Variants in WDR19 observed in about 807,000 individuals in gnomAD.
WDR19 encodes WD repeat-containing protein 19.
WDR19 carries 121 observed loss-of-function variants against 180.0 expected under a neutral mutation model. The observed-to-expected ratio is 0.67, with a 90% CI of 0.58 to 0.78. The LOEUF (loss-of-function observed/expected upper bound fraction) is 0.78. Ranked by LOEUF, WDR19 falls within the 30% of genes least tolerant of loss-of-function variation. The pLI is 0.00. For missense variants in WDR19, 1,450 were observed against 1,640.7 expected (o/e 0.88, Z 2.01); for synonymous variants, 497 against 540.7 (o/e 0.92, Z 1.12).
Position 39,253,225 on chromosome 4 carries a change from A to G in WDR19, c.2809A>G (p.Asn937Asp). The change falls in exon 25 of 37, where the codon AAT becomes GAT. Residue 937 changes from asparagine (N) to aspartate (D), a missense_variant. Physicochemically the swap from Asn to Asp is conservative, Grantham distance 23. Transcript: ENST00000399820. ...VIRIYLDHLN[N>D]PEKAVNIVRE... is the part of the protein sequence containing the mutation. ...CCGCATCTATCTGGATCACCTCAAT[A>G]ATCCTGAAAAAGCTGTCAATATTGT... 6.2e-7 allele frequency: 1 copy of G among 1,613,646 alleles called. No homozygotes were observed. Among genetic ancestry groups the G allele is most frequent in the Non-Finnish European group, 8.5e-7 (1 of 1,179,758 alleles).
intron 24 of WDR19, among the ~76,000 whole-genome samples, chr4:39,248,228 C>T (rs2109419751): frequency 6.6e-6 from 1 of 152,254 alleles, no homozygotes; most frequent in South Asian, 2.1e-4. Flanking sequence ...ATTTTCAACC[C>T]AGAATTTCAT....
intron 15 of WDR19, among the ~76,000 whole-genome samples, chr4:39,227,127 A>G (rs1033959706): frequency 4.6e-5 from 7 of 152,190 alleles, no homozygotes; most frequent in African/African-American, 7.2e-5. Flanking sequence ...ACATATCTCA[A>G]TTCGGACTTG....
Position 39,205,263 on chromosome 4 carries a change from A to G in WDR19, c.713A>G (p.Asn238Ser), listed in dbSNP as rs1347531361. The G allele has an allele frequency of 1.9e-6, 3 of 1,588,150 alleles. No homozygotes were observed. The African/African-American group carries it at 4.0e-5, about 21-fold the overall frequency. Residue 238 changes from asparagine (N) to serine (S), a missense_variant, in exon 8 of 37, where the codon AAT (asparagine) becomes AGT (serine). By Grantham distance (46) the Asn-to-Ser change is conservative (BLOSUM62 1). Coordinates refer to ENST00000399820, the MANE Select transcript of WDR19 (RefSeq NM_025132.4). The stretch of plus-strand genomic sequence containing the variant: ...GACTTTGGCAACATTGTCTGCTATA[A>G]TTGGTATGTCTGCTATAACTGGTAT... ...QQDFGNIVCY[N>S]WYGDGRIMIG... is the part of the protein sequence containing the mutation.
At position 39,266,079 on chromosome 4, in the gene WDR19, A is replaced by G. The variant is rs550125129; in HGVS notation, c.3200A>G (p.Asp1067Gly). The G allele has an allele frequency of 1.3e-6, 2 of 1,556,668 alleles. No individual in the cohort carries two copies. ...MAIETVGQAK[D>G]ELLTNQLIDH... ...ATTAAACAGGTTGGTCAGGCCAAAG[A>G]TGAACTGCTGACCAATCAGCTGATA... Residue 1067 changes from aspartate (D) to glycine (G), a missense_variant, in exon 29 of 37, where the codon GAT becomes GGT. Coordinates refer to ENST00000399820, the MANE Select transcript of WDR19 (RefSeq NM_025132.4).
intron 16 of WDR19, 29 bp from the exon 17 acceptor site, chr4:39,228,457 A>G: frequency 6.2e-7 from 1 of 1,610,560 alleles, no homozygotes; most frequent in African/African-American, 1.3e-5. Flanking sequence ...ATTAGCTTTC[A>G]GCATTGCGAT....
chr4:39,259,134 G>A (rs941688564), intron 28 of WDR19, among the ~76,000 whole-genome samples: 4 of 152,214 alleles, frequency 2.6e-5, no homozygotes, highest in South Asian at 2.1e-4. Flanking sequence ...TTTCCCTTAC[G>A]TTTTCTTCTA....
chr4:39,217,930 T>G, intron 13 of WDR19, 53 bp from the exon 14 acceptor site: 3 of 1,602,324 alleles, frequency 1.9e-6, no homozygotes, highest in Non-Finnish European at 1.7e-6. Context: ...AGATGTTGTA[T>G]AGATGGTTTA....
intron 14 of WDR19, among the ~76,000 whole-genome samples, chr4:39,223,914 A>G (rs1292359816): frequency 1.3e-5 from 2 of 152,222 alleles, no homozygotes; most frequent in Non-Finnish European, 2.9e-5. Flanking sequence ...TTTTATTAGA[A>G]TGATATTAAA....
At chr4:39,251,940 G>T (rs1187111846) in intron 24 of WDR19, among the ~76,000 whole-genome samples, 2 of 152,176 alleles carry the variant, frequency 1.3e-5, no homozygotes, top group African/African-American at 2.4e-5. Flanking sequence ...CATTGTGGAA[G>T]TCGGTGTGGT....
intron 30 of WDR19, among the ~76,000 whole-genome samples, chr4:39,268,462 C>T (rs924444903): frequency 6.6e-5 from 10 of 152,100 alleles, no homozygotes; most frequent in Non-Finnish European, 2.9e-5. Context: ...AGACATTAGG[C>T]GATGGAGGGT....
chr4:39,282,535 T>C (rs1303103073), intron 36 of WDR19, among the ~76,000 whole-genome samples: 1 of 152,044 alleles, frequency 6.6e-6, no homozygotes, highest in Non-Finnish European at 1.5e-5. Flanking sequence ...GAAGCTGAGA[T>C]TACAGGCGCC....
intron 19 of WDR19, 53 bp downstream of exon 19, chr4:39,232,325 TGGG>T: frequency 6.9e-7 from 1 of 1,451,758 alleles, no homozygotes; most frequent in African/African-American, 1.4e-5. Context: ...AGTGGGGAAA[TGGG>T]GGAAAAAAAA....
At chr4:39,253,540 G>GT (rs1733458585) in intron 25 of WDR19, among the ~76,000 whole-genome samples, 1 of 152,100 alleles carries the variant, frequency 6.6e-6, no homozygotes, top group South Asian at 2.1e-4. Context: ...CACTTTGGGA[G>GT]GCTGAGGCAG....
At chr4:39,219,013 A>T (rs7680520) in intron 14 of WDR19, 52,273 of 152,032 alleles carry the variant, frequency 0.34, 9,415 homozygotes, top group African/African-American at 0.45. Context: ...AGCGGGAATA[A>T]CATGCATGGA....
chr4:39,189,337 C>T (rs1725908277), intron 3 of WDR19, among the ~76,000 whole-genome samples: 1 of 151,986 alleles, frequency 6.6e-6, no homozygotes, highest in African/African-American at 2.4e-5. Context: ...TGTAAAGGTG[C>T]GTGGCGAGTT....
intron 28 of WDR19, among the ~76,000 whole-genome samples, chr4:39,263,848 C>T (rs1212497635): frequency 5.3e-5 from 8 of 150,742 alleles, no homozygotes; most frequent in Non-Finnish European, 1.0e-4. Context: ...CACTTGAACC[C>T]GGGAGGTGGA....
intron 24 of WDR19, among the ~76,000 whole-genome samples, chr4:39,248,179 G>T (rs1367828753): frequency 6.6e-6 from 1 of 152,252 alleles, no homozygotes; most frequent in African/African-American, 2.4e-5. Context: ...CAAGCCAGAA[G>T]AGAGTGGGGG....
intron 13 of WDR19, among the ~76,000 whole-genome samples, chr4:39,217,619 G>T (rs915649423): frequency 6.6e-6 from 1 of 152,140 alleles, no homozygotes; most frequent in Non-Finnish European, 1.5e-5. Flanking sequence ...ATTTTGTGTG[G>T]GGGGGTCTTT....
chr4:39,255,674 T>C (rs1216385976), intron 26 of WDR19, among the ~76,000 whole-genome samples, 174 bp from the exon 27 acceptor site: 3 of 152,204 alleles, frequency 2.0e-5, no homozygotes, highest in Non-Finnish European at 4.4e-5. Flanking sequence ...ACAGAGTTAC[T>C]ATTTGGAGTA....
Sources: allele counts gnomAD v4.1 joint callset (sites outside exome capture counted in the v4.1 genomes callset), GRCh38; gene constraint gnomAD v4.1.1; transcripts MANE v1.5; gene names NCBI Gene and HGNC (gene_info 2026-07-23, HGNC 2026-07-21).